The following NID1 variants were observed in gnomAD, a reference collection of about 807,000 sequenced individuals.
The protein encoded by NID1 is nidogen-1.
In NID1, 76 loss-of-function variants were observed where a neutral mutation model predicts 130.6. The ratio of observed to expected loss-of-function variants is 0.58; its 90% CI spans 0.48 to 0.70. The LOEUF (loss-of-function observed/expected upper bound fraction) is 0.70, where lower values mean the gene tolerates loss of function less well. Ranked by LOEUF, NID1 falls within the 30% of genes least tolerant of loss-of-function variation. The pLI is 0.00. For synonymous variants in NID1, 665 were observed against 675.1 expected (o/e 0.98, Z 0.23); for missense variants, 1,517 against 1,664.8 (o/e 0.91, Z 1.54).
At chr1:236,039,537 T>C (rs1007351533) in intron 4 of NID1, among the ~76,000 whole-genome samples, 12 of 152,066 alleles carry the variant, frequency 7.9e-5, no homozygotes, top group Admixed American at 2.6e-4. Context: ...AAAAAGAACA[T>C]CTCCCTATTT....
chr1:236,041,993 C>A lies in NID1; in HGVS notation c.1052G>T (p.Arg351Met). The A allele has an allele frequency of 3.7e-6, 6 of 1,614,186 alleles. No individual in the cohort carries two copies. Among genetic ancestry groups the A allele is most frequent in the Non-Finnish European group, 4.2e-6 (5 of 1,180,034 alleles). The change falls in exon 4 of 20, where the codon AGG becomes ATG. Residue 351 changes from arginine to methionine, a missense_variant. Transcript: ENST00000264187. ...AGTCTCCACTGCCAACTGGAAAGAC[C>A]TGGTTCTCTCTGTGGGAGGTCCAAG... The part of the protein sequence containing the change: ...RPLGPPTERT[R>M]SFQLAVETFH...
chr1:235,981,694 C>T lies in NID1; in HGVS notation c.3144G>A (p.Ala1048=), dbSNP rs148662892. Residue 1048 remains alanine (A), a synonymous_variant, in exon 16 of 20, where the codon GCG becomes GCA. Coordinates refer to ENST00000264187, the MANE Select transcript of NID1 (RefSeq NM_002508.3). ...TDSNLDRIEV[A]KLDGTQRRVL... is the part of the protein sequence containing the mutation. ...CCCGGCGCTGCGTGCCGTCCAGCTT[C>T]GCCACTTCTATTCGATCCAGGTTAG... is the stretch of plus-strand genomic sequence containing the variant. 1.0e-3 allele frequency: 1,647 copies of T among 1,614,244 alleles called. 2 individuals carry two copies. Among genetic ancestry groups the T allele is most frequent in the Non-Finnish European group, 1.3e-3 (1,521 of 1,180,036 alleles).
chr1:236,023,587 A>T (rs1213920581), intron 9 of NID1, among the ~76,000 whole-genome samples: 2 of 152,220 alleles, frequency 1.3e-5, no homozygotes, highest in Admixed American at 1.3e-4. Flanking sequence ...CTGTACACTT[A>T]AAAAGTGTTA....
intron 14 of NID1, 61 bp downstream of exon 14, chr1:235,990,825 G>A: frequency 6.3e-7 from 1 of 1,588,174 alleles, no homozygotes; most frequent in Admixed American, 1.7e-5. Context: ...ATATCGTCCT[G>A]CTTGTTTTTC....
At chr1:236,007,227 T>C (rs1658274533) in intron 12 of NID1, among the ~76,000 whole-genome samples, 1 of 152,052 alleles carries the variant, frequency 6.6e-6, no homozygotes. Context: ...AGAGATGGGG[T>C]CTTGCTATGT....
At chr1:236,034,983 T>C (rs879789410) in intron 5 of NID1, among the ~76,000 whole-genome samples, 5 of 111,942 alleles carry the variant, frequency 4.5e-5, no homozygotes, top group African/African-American at 2.2e-4. Context: ...CTTTTTTTTT[T>C]CTTTCTTTCT....
chr1:235,982,449 T>C (rs2102792727), intron 15 of NID1, among the ~76,000 whole-genome samples: 1 of 152,272 alleles, frequency 6.6e-6, no homozygotes, highest in South Asian at 2.1e-4. Context: ...TCATTAGCTA[T>C]CGGGGATAAA....
intron 11 of NID1, 31 bp from the exon 12 acceptor site, chr1:236,012,074 T>C (rs767764446): frequency 1.3e-6 from 2 of 1,591,414 alleles, no homozygotes; most frequent in Admixed American, 3.3e-5. Context: ...CCAGGGACAA[T>C]GAGATTTCTT....
intron 12 of NID1, among the ~76,000 whole-genome samples, chr1:235,999,149 C>T (rs16833089): frequency 0.14 from 21,429 of 152,280 alleles, 1,800 homozygotes; most frequent in South Asian, 0.21. Flanking sequence ...CTACCAATCA[C>T]ATCTGCATGT....
chr1:236,060,878 A>G (rs1660020201), intron 1 of NID1: 1 of 152,186 alleles, frequency 6.6e-6, no homozygotes, highest in Admixed American at 6.5e-5. Flanking sequence ...TGAGACCCCC[A>G]ATCTCTGGGG....
intron 5 of NID1, among the ~76,000 whole-genome samples, chr1:236,036,293 G>C (rs1659258957): frequency 6.6e-6 from 1 of 152,172 alleles, no homozygotes; most frequent in Non-Finnish European, 1.5e-5. Context: ...AAATTAATAA[G>C]TAAAGCATAC....
At chr1:235,989,522 A>G (rs1657667781) in intron 14 of NID1, among the ~76,000 whole-genome samples, 1 of 152,266 alleles carries the variant, frequency 6.6e-6, no homozygotes, top group Non-Finnish European at 1.5e-5. Flanking sequence ...TTTTGGGTCT[A>G]GAAATACCAC....
chr1:235,977,629 A>C lies in NID1; in HGVS notation c.*238T>G. On this transcript the variant is annotated 3_prime_UTR_variant, in exon 20 of 20. Coordinates refer to ENST00000264187, the MANE Select transcript of NID1 (RefSeq NM_002508.3). ...ACTCAGGGGTGTATAAGTCTGTCTG[A>C]GGGTTGGGGGTAGGGGTGGAGGGTT... 2.0e-6 allele frequency: 1 copy of C among 492,186 alleles called. No individual in the cohort carries two copies. The highest frequency in any genetic ancestry group is 3.7e-6 in the Non-Finnish European group (1 of 271,980). 30.5% of individuals were successfully genotyped at this position (492,186 alleles called of 1,614,324 possible). A position where few individuals can be genotyped will look rare whatever the true frequency, so the allele number is the denominator to read the frequency against.
chr1:236,010,190 T>C (rs972718630), intron 12 of NID1, among the ~76,000 whole-genome samples: 1 of 152,058 alleles, frequency 6.6e-6, no homozygotes, highest in Non-Finnish European at 1.5e-5. Context: ...CTATGAGTAG[T>C]GGTATTTGTT....
At position 235,978,954 on chromosome 1, in the gene NID1, G is replaced by A. The variant is rs577899106; in HGVS notation, c.3622+41C>T. On this transcript the variant is annotated intron_variant, in intron 19 of 19. Transcript: ENST00000264187. ...CAGAGTGTGGGCTCTGAGCCTCCAT[G>A]TGCCCCCAGTATGCCAACAGTAACA... The A allele has an allele frequency of 5.0e-6, 7 of 1,394,722 alleles. No individual in the cohort carries two copies. In the African/African-American group the frequency reaches 9.9e-5, roughly 20 times the overall value. 86.4% of individuals were successfully genotyped at this position (1,394,722 alleles called of 1,614,324 possible).
chr1:236,032,366 G>A, intron 6 of NID1, 35 bp downstream of exon 6: 1 of 1,606,760 alleles, frequency 6.2e-7, no homozygotes, highest in Non-Finnish European at 8.5e-7. Flanking sequence ...GCACTACTGT[G>A]TGACCCACTA....
At position 236,009,912 on chromosome 1, in the gene NID1, C is replaced by A. The variant is rs114309297; in HGVS notation, c.2527+2009G>T. Among the ~76,000 whole-genome samples, 1,174 of 152,262 alleles carry A rather than the reference C, an allele frequency of 7.7e-3. 19 individuals are homozygous for A. The highest frequency in any genetic ancestry group is 0.027 in the African/African-American group (1,124 of 41,536). Reference sequence around the variant, plus strand: ...ATATCTAAACAATCCTGGCAAGCAGCCCTTATTGGTTTTAACTTTGTCCCA... The same window carrying A: ...ATATCTAAACAATCCTGGCAAGCAGACCTTATTGGTTTTAACTTTGTCCCA... On this transcript the variant is annotated intron_variant, in intron 12 of 19. Transcript: ENST00000264187.
chr1:236,009,075 C>T (rs932216002), intron 12 of NID1, among the ~76,000 whole-genome samples: 8 of 152,186 alleles, frequency 5.3e-5, no homozygotes, highest in African/African-American at 1.2e-4. Context: ...AGCTCTTGTG[C>T]TGCAATGTGA....
chr1:235,981,868 A>G (rs1045904295), intron 15 of NID1, 86 bp from the exon 16 acceptor site: 5 of 1,261,534 alleles, frequency 4.0e-6, no homozygotes, highest in South Asian at 3.0e-5. Flanking sequence ...ATGTTATTTC[A>G]CATGGTGTCC....
Sources: gnomAD v4.1 joint callset for allele counts (sites outside exome capture counted in the v4.1 genomes callset) on GRCh38, gnomAD v4.1.1 for gene constraint, MANE v1.5 for transcripts, NCBI Gene and HGNC (gene_info 2026-07-23, HGNC 2026-07-21) for gene names.